The following ZSWIM6 variants were observed in gnomAD, a reference collection of about 807,000 sequenced individuals.
ZSWIM6 encodes zinc finger SWIM-type containing 6.
ZSWIM6 carries 9 observed loss-of-function variants against 113.2 expected under a neutral mutation model. The ratio of observed to expected loss-of-function variants is 0.08; its 90% CI spans 0.05 to 0.14. ZSWIM6 has a LOEUF of 0.14. Among genes scored for constraint, ZSWIM6 ranks in the 10% least tolerant of loss-of-function variants. The pLI is 1.00. For synonymous variants in ZSWIM6, 611 were observed against 606.5 expected, an observed-to-expected ratio of 1.01 and a Z score of -0.11; for missense variants, 1,162 against 1,552.2, an observed-to-expected ratio of 0.75 and a Z score of 4.22.
intron 1 of ZSWIM6, among the ~76,000 whole-genome samples, chr5:61,442,923 G>T (rs1334117368): frequency 2.0e-5 from 3 of 152,160 alleles, no homozygotes; most frequent in Non-Finnish European, 2.9e-5. Flanking sequence ...TGAACAATCA[G>T]CAATGCTTCA....
chr5:61,435,792 T>A (rs1406645900), intron 1 of ZSWIM6, among the ~76,000 whole-genome samples: 1 of 152,118 alleles, frequency 6.6e-6, no homozygotes, highest in East Asian at 1.9e-4. Flanking sequence ...GAGCTTAGAT[T>A]TTTTTTTAAT....
intron 4 of ZSWIM6, among the ~76,000 whole-genome samples, chr5:61,503,882 A>C (rs949900373): frequency 6.6e-6 from 1 of 152,178 alleles, no homozygotes; most frequent in Admixed American, 6.5e-5. Context: ...AACTAATGTC[A>C]TACCCATCCT....
Position 61,475,057 on chromosome 5 carries a change from C to T in ZSWIM6, c.1033+2020C>T, listed in dbSNP as rs1747675054. Among the ~76,000 whole-genome samples, 3 of 152,348 alleles carry T rather than the reference C, an allele frequency of 2.0e-5. No individual in the cohort carries two copies. In the South Asian group the frequency reaches 6.2e-4, roughly 32 times the overall value. On this transcript the variant is annotated intron_variant, in intron 2 of 13. Transcript: ENST00000252744. The stretch of plus-strand genomic sequence containing the variant: ...GTAGGCTTCTGCTCTGTCATATCAT[C>T]TGCCTCAAATCTTGCTGCCGTGTGA...
intron 1 of ZSWIM6, among the ~76,000 whole-genome samples, chr5:61,462,465 T>C (rs1747339634): frequency 6.6e-6 from 1 of 152,226 alleles, no homozygotes; most frequent in Non-Finnish European, 1.5e-5. Flanking sequence ...AAATGTGCTA[T>C]GTAAAATTGG....
At chr5:61,534,080 G>C (rs1173201008) in intron 9 of ZSWIM6, among the ~76,000 whole-genome samples, 1 of 152,130 alleles carries the variant, frequency 6.6e-6, no homozygotes, top group Non-Finnish European at 1.5e-5. Context: ...CATTGGGGCT[G>C]GGGGCTTCCA....
chr5:61,467,850 CT>C (rs34463591), intron 1 of ZSWIM6, among the ~76,000 whole-genome samples: 19,514 of 152,188 alleles, frequency 0.13, 1,412 homozygotes, highest in Middle Eastern at 0.18. Flanking sequence ...CTACTATTGT[CT>C]GACTCACTTA....
intron 2 of ZSWIM6, among the ~76,000 whole-genome samples, chr5:61,479,226 G>A (rs1379998876): frequency 6.6e-6 from 1 of 151,810 alleles, no homozygotes; most frequent in Non-Finnish European, 1.5e-5. Context: ...TCATGTACAG[G>A]GGATCCTTTT....
At chr5:61,517,100 A>T (rs1748967810) in intron 4 of ZSWIM6, among the ~76,000 whole-genome samples, 1 of 151,784 alleles carries the variant, frequency 6.6e-6, no homozygotes, top group South Asian at 2.1e-4. Flanking sequence ...TCAGCAGTTT[A>T]TGATATGTTT....
At chr5:61,539,532 G>T in intron 11 of ZSWIM6, 64 bp from the exon 12 acceptor site, 1 of 1,489,822 alleles carries the variant, frequency 6.7e-7, no homozygotes, top group Admixed American at 2.3e-5. Context: ...TATGATTTTT[G>T]TTTATTTGTT....
At chr5:61,363,721 A>G (rs1344438984) in intron 1 of ZSWIM6, among the ~76,000 whole-genome samples, 1 of 152,184 alleles carries the variant, frequency 6.6e-6, no homozygotes, top group Non-Finnish European at 1.5e-5. Context: ...AAGCTAAAAT[A>G]TGTTTAAAGG....
At chr5:61,390,604 A>ATT in intron 1 of ZSWIM6, 2 of 605,610 alleles carry the variant, frequency 3.3e-6, no homozygotes, top group Non-Finnish European at 6.1e-6. Context: ...CAAAAATGGT[A>ATT]TTTTTTTTTT....
chr5:61,390,909 C>G lies in ZSWIM6; in HGVS notation c.676+57961C>G, dbSNP rs558800416. ...CATGACAAAGTCATTGGTCACTTCA[C>G]CATAGTGGACAAAGGCCCCCAGAGG... On this transcript the variant is annotated intron_variant, in intron 1 of 13. Coordinates refer to ENST00000252744, the MANE Select transcript of ZSWIM6 (RefSeq NM_020928.2). 4.1e-5 allele frequency: 36 copies of G among 870,940 alleles called. No homozygotes were observed. The South Asian group carries it at 4.7e-4, about 11-fold the overall frequency. The allele number at this position is 870,940 out of a possible 1,614,324, so 54.0% of individuals were successfully genotyped here. A position where few individuals can be genotyped will look rare whatever the true frequency, so the allele number is the denominator to read the frequency against.
At chr5:61,373,943 T>A (rs1745317951) in intron 1 of ZSWIM6, among the ~76,000 whole-genome samples, 1 of 152,252 alleles carries the variant, frequency 6.6e-6, no homozygotes, top group Non-Finnish European at 1.5e-5. Flanking sequence ...TATGCATATG[T>A]GTCAAATGAG....
intron 1 of ZSWIM6, among the ~76,000 whole-genome samples, chr5:61,395,685 T>C (rs1260194796): frequency 6.6e-6 from 1 of 152,236 alleles, no homozygotes; most frequent in African/African-American, 2.4e-5. Context: ...ATATTTATAA[T>C]TTCTAATTTA....
chr5:61,423,161 C>T (rs1176920776), intron 1 of ZSWIM6, among the ~76,000 whole-genome samples: 4 of 152,062 alleles, frequency 2.6e-5, no homozygotes, highest in African/African-American at 9.7e-5. Context: ...AATCCCAGCA[C>T]TTTGGGAGGC....
chr5:61,460,981 C>T (rs1347404755), intron 1 of ZSWIM6, among the ~76,000 whole-genome samples: 7 of 151,862 alleles, frequency 4.6e-5, no homozygotes, highest in African/African-American at 1.5e-4. Flanking sequence ...CTGTATAGAA[C>T]ACAACAAAAA....
intron 4 of ZSWIM6, among the ~76,000 whole-genome samples, chr5:61,506,563 GAC>G (rs1373182920): frequency 2.0e-5 from 3 of 151,676 alleles, no homozygotes; most frequent in Non-Finnish European, 4.4e-5. Context: ...AACAGAGTGA[GAC>G]TCTGTCTCCA....
intron 9 of ZSWIM6, among the ~76,000 whole-genome samples, chr5:61,532,140 G>A (rs1170030751): frequency 6.6e-6 from 1 of 152,098 alleles, no homozygotes. Context: ...AATTATTGGC[G>A]GTTACATGAC....
intron 1 of ZSWIM6, among the ~76,000 whole-genome samples, chr5:61,444,002 T>C (rs2112149967): frequency 6.6e-6 from 1 of 152,136 alleles, no homozygotes; most frequent in East Asian, 1.9e-4. Context: ...AATGTGCAGG[T>C]TTGTTACATA....
Sources: allele counts gnomAD v4.1 joint callset (sites outside exome capture counted in the v4.1 genomes callset), GRCh38; gene constraint gnomAD v4.1.1; transcripts MANE v1.5; gene names NCBI Gene and HGNC (gene_info 2026-07-23, HGNC 2026-07-21).